The following IGSF11 variants were observed in gnomAD, a reference collection of about 807,000 sequenced individuals.
The protein encoded by IGSF11 is immunoglobulin superfamily member 11, also known as CXADR like 1.
Under a neutral mutation model 41.0 loss-of-function variants are expected in IGSF11, and 22 were observed. The ratio of observed to expected loss-of-function variants is 0.54; its 90% CI spans 0.38 to 0.77. IGSF11 has a LOEUF of 0.77. Ranked by LOEUF, IGSF11 falls within the 30% of genes least tolerant of loss-of-function variation. The pLI is 0.00. For missense variants in IGSF11, 444 were observed against 530.8 expected (o/e 0.84, Z 1.61); for synonymous variants, 219 against 201.3 (o/e 1.09, Z -0.74).
chr3:118,940,503 C>T (rs1355252217), intron 1 of IGSF11, among the ~76,000 whole-genome samples: 1 of 151,998 alleles, frequency 6.6e-6, no homozygotes, highest in Non-Finnish European at 1.5e-5. Flanking sequence ...ATGAAAATTA[C>T]AAAATTTTCC....
intron 1 of IGSF11, among the ~76,000 whole-genome samples, chr3:118,980,782 G>C (rs922111909): frequency 2.0e-5 from 3 of 152,158 alleles, no homozygotes; most frequent in Non-Finnish European, 4.4e-5. Context: ...CGAATTTCAT[G>C]TATGCTCCAT....
intron 1 of IGSF11, among the ~76,000 whole-genome samples, chr3:119,079,928 G>A (rs1197211705): frequency 1.3e-5 from 2 of 152,080 alleles, no homozygotes; most frequent in Non-Finnish European, 2.9e-5. Context: ...ACTACCTATC[G>A]GGTACTACGC....
chr3:119,012,632 C>T (rs1328974211), intron 1 of IGSF11: 1 of 152,176 alleles, frequency 6.6e-6, no homozygotes, highest in Non-Finnish European at 1.5e-5. Flanking sequence ...AAACTCCCAT[C>T]AACATTTTTT....
chr3:118,965,340 G>A (rs1945595111), intron 1 of IGSF11, among the ~76,000 whole-genome samples: 1 of 151,842 alleles, frequency 6.6e-6, no homozygotes, highest in Non-Finnish European at 1.5e-5. Context: ...TGAGCTATAA[G>A]GAGTATAAAA....
At chr3:118,949,233 C>A (rs946351416) in intron 1 of IGSF11, 1 of 148,668 alleles carries the variant, frequency 6.7e-6, no homozygotes, top group Non-Finnish European at 1.5e-5. Flanking sequence ...TTTTACCATT[C>A]TATTATTGGA....
At chr3:118,961,898 A>G (rs1945362720) in intron 1 of IGSF11, among the ~76,000 whole-genome samples, 1 of 152,266 alleles carries the variant, frequency 6.6e-6, no homozygotes, top group Non-Finnish European at 1.5e-5. Context: ...GCTACGTAAT[A>G]TATGTGTAAA....
At chr3:119,008,632 A>T (rs1937702580) in intron 1 of IGSF11, among the ~76,000 whole-genome samples, 1 of 152,196 alleles carries the variant, frequency 6.6e-6, no homozygotes, top group East Asian at 1.9e-4. Context: ...AAGTCCACAG[A>T]GTGTTCCTGA....
intron 1 of IGSF11, among the ~76,000 whole-genome samples, chr3:118,975,213 C>A (rs1160547685): frequency 6.6e-6 from 1 of 152,134 alleles, no homozygotes; most frequent in Admixed American, 6.6e-5. Flanking sequence ...AAAATAAAAT[C>A]ATTTTGTTCA....
At chr3:118,949,701 C>A (rs574182335) in intron 1 of IGSF11, among the ~76,000 whole-genome samples, 3 of 152,116 alleles carry the variant, frequency 2.0e-5, no homozygotes, top group African/African-American at 7.2e-5. Flanking sequence ...AAATAAGGAA[C>A]GGAGTAATAA....
At chr3:119,044,358 G>A (rs1348184210) in intron 1 of IGSF11, among the ~76,000 whole-genome samples, 1 of 151,608 alleles carries the variant, frequency 6.6e-6, no homozygotes, top group South Asian at 2.1e-4. Context: ...TCAGACAAGG[G>A]TAAAGAAAAA....
At chr3:119,078,584 T>C (rs560630943) in intron 1 of IGSF11, among the ~76,000 whole-genome samples, 1 of 152,328 alleles carries the variant, frequency 6.6e-6, no homozygotes, top group Admixed American at 6.5e-5. Flanking sequence ...ATTAAAGATT[T>C]ATGTGTAAAA....
At chr3:119,072,097 T>C (rs1232403117) in intron 1 of IGSF11, among the ~76,000 whole-genome samples, 1 of 152,218 alleles carries the variant, frequency 6.6e-6, no homozygotes, top group Non-Finnish European at 1.5e-5. Flanking sequence ...ACTTTCAAAT[T>C]TCCATAAGGT....
At chr3:118,961,939 C>G (rs1377351370) in intron 1 of IGSF11, among the ~76,000 whole-genome samples, 1 of 152,174 alleles carries the variant, frequency 6.6e-6, no homozygotes, top group African/African-American at 2.4e-5. Flanking sequence ...ATTTCTTATA[C>G]TTTAATAAAT....
intron 1 of IGSF11, among the ~76,000 whole-genome samples, chr3:119,113,113 G>A (rs926499064): frequency 6.6e-6 from 1 of 152,140 alleles, no homozygotes; most frequent in Admixed American, 6.6e-5. Context: ...ATCCCACCAG[G>A]CACCTCCTCT....
At chr3:118,996,455 C>T (rs993439899) in intron 1 of IGSF11, among the ~76,000 whole-genome samples, 1 of 152,216 alleles carries the variant, frequency 6.6e-6, no homozygotes, top group Non-Finnish European at 1.5e-5. Flanking sequence ...TTGATTTCTA[C>T]AACAGCCTCT....
At chr3:119,048,691 C>CA (rs921782259) in intron 1 of IGSF11, among the ~76,000 whole-genome samples, 4 of 151,764 alleles carry the variant, frequency 2.6e-5, no homozygotes, top group Admixed American at 1.3e-4. Context: ...AGAGACACAA[C>CA]AAAAAAAGAC....
At chr3:118,961,149 T>C (rs1182584861) in intron 1 of IGSF11, among the ~76,000 whole-genome samples, 1 of 152,228 alleles carries the variant, frequency 6.6e-6, no homozygotes, top group Non-Finnish European at 1.5e-5. Flanking sequence ...GTCCAGCTGA[T>C]GTCCCTAGGC....
At chr3:119,056,274 A>G (rs1941830357) in intron 1 of IGSF11, among the ~76,000 whole-genome samples, 1 of 152,250 alleles carries the variant, frequency 6.6e-6, no homozygotes, top group Non-Finnish European at 1.5e-5. Flanking sequence ...CGCAATAAAA[A>G]AATGATAAAG....
chr3:118,999,916 A>T (rs958191264), intron 1 of IGSF11, among the ~76,000 whole-genome samples: 2 of 152,178 alleles, frequency 1.3e-5, no homozygotes, highest in Non-Finnish European at 2.9e-5. Context: ...GTTGTTGGAA[A>T]ACAAAAATCA....
Sources: gnomAD v4.1 joint callset for allele counts (sites outside exome capture counted in the v4.1 genomes callset) on GRCh38, gnomAD v4.1.1 for gene constraint, MANE v1.5 for transcripts, NCBI Gene and HGNC (gene_info 2026-07-23, HGNC 2026-07-21) for gene names.